Variants in GRID2 observed in about 807,000 individuals in gnomAD.
GRID2 encodes glutamate receptor ionotropic, delta-2.
Under a neutral mutation model 114.8 loss-of-function variants are expected in GRID2, and 33 were observed. That is an observed-to-expected ratio of 0.29 (90% CI 0.22 to 0.38). The LOEUF (loss-of-function observed/expected upper bound fraction) is 0.38. Among genes scored for constraint, GRID2 ranks in the 10% least tolerant of loss-of-function variants. GRID2 has a pLI of 1.00. For missense variants in GRID2, 1,184 were observed against 1,257.7 expected, an observed-to-expected ratio of 0.94 and a Z score of 0.89; for synonymous variants, 505 against 449.9, an observed-to-expected ratio of 1.12 and a Z score of -1.55.
At chr4:92,970,501 A>G (rs1421735636) in intron 2 of GRID2, among the ~76,000 whole-genome samples, 1 of 152,020 alleles carries the variant, frequency 6.6e-6, no homozygotes, top group East Asian at 1.9e-4. Flanking sequence ...CTATAAAGAC[A>G]AAATAGCTAA....
chr4:93,445,907 TAGAAAATTAG>T lies in GRID2; in HGVS notation c.1546-9752_1546-9743del, dbSNP rs1477039605. The stretch of plus-strand genomic sequence containing the variant: ...GATCTCATATGATATGACAAATAAA[TAGAAAATTAG>T]AGGAAATTTTACAACAGTACTCTAA... On this transcript the variant is annotated intron_variant, in intron 10 of 15. Transcript: ENST00000282020. 2.0e-5 allele frequency among the ~76,000 whole-genome samples: 3 copies of T among 152,096 alleles called. No homozygotes were observed. The East Asian group carries it at 5.8e-4, about 30-fold the overall frequency.
At chr4:92,977,230 G>C (rs1000658678) in intron 2 of GRID2, among the ~76,000 whole-genome samples, 3 of 152,104 alleles carry the variant, frequency 2.0e-5, no homozygotes, top group Admixed American at 1.3e-4. Flanking sequence ...GAGAAGTTGT[G>C]GTGATGCAGA....
At chr4:93,097,351 GA>G (rs1006250097) in intron 3 of GRID2, among the ~76,000 whole-genome samples, 58 of 144,676 alleles carry the variant, frequency 4.0e-4, no homozygotes, top group African/African-American at 1.3e-3. Context: ...AAGGAAAAAG[GA>G]AAAAAAAACA....
At chr4:93,810,451 C>T (rs977927289), downstream of GRID2, among the ~76,000 whole-genome samples, 2 of 152,122 alleles carry the variant, frequency 1.3e-5, no homozygotes, top group Non-Finnish European at 2.9e-5. Flanking sequence ...AAACAAATTA[C>T]TTTAATTAAT....
At chr4:93,185,838 C>A (rs1271103883) in intron 4 of GRID2, among the ~76,000 whole-genome samples, 1 of 152,086 alleles carries the variant, frequency 6.6e-6, no homozygotes, top group African/African-American at 2.4e-5. Context: ...TGTTGGTTTG[C>A]TGCACCCATT....
intron 14 of GRID2, among the ~76,000 whole-genome samples, chr4:93,707,309 T>A (rs984014267): frequency 2.0e-5 from 3 of 152,128 alleles, no homozygotes; most frequent in African/African-American, 7.2e-5. Context: ...TTGATAAAAT[T>A]CAGCTGTGAA....
intron 2 of GRID2, among the ~76,000 whole-genome samples, chr4:93,046,208 C>G (rs1726117779): frequency 6.6e-6 from 1 of 152,040 alleles, no homozygotes; most frequent in Non-Finnish European, 1.5e-5. Flanking sequence ...CAGTTTCTCA[C>G]CTGCTCCTCT....
At chr4:93,769,944 C>G (rs1178296542) in intron 15 of GRID2, among the ~76,000 whole-genome samples, 1 of 152,180 alleles carries the variant, frequency 6.6e-6, no homozygotes, top group Non-Finnish European at 1.5e-5. Context: ...CCTATAGAAG[C>G]TCTTCGATGG....
chr4:93,624,502 G>C (rs747107208), intron 13 of GRID2, among the ~76,000 whole-genome samples: 5 of 151,726 alleles, frequency 3.3e-5, no homozygotes, highest in Non-Finnish European at 5.9e-5. Flanking sequence ...TTTTCTTCCT[G>C]GTTTACCAAT....
intron 1 of GRID2, among the ~76,000 whole-genome samples, chr4:92,313,193 T>C (rs1725798560): frequency 6.6e-6 from 1 of 151,536 alleles, no homozygotes. Flanking sequence ...TTGGATGAGA[T>C]TAGAGACTAT....
intron 14 of GRID2, among the ~76,000 whole-genome samples, chr4:93,708,707 A>G (rs892034954): frequency 1.4e-4 from 22 of 151,846 alleles, no homozygotes; most frequent in African/African-American, 5.1e-4. Flanking sequence ...CTGCCAATTT[A>G]TTATCTGTTT....
At chr4:92,755,208 A>ATT (rs1456533762) in intron 2 of GRID2, among the ~76,000 whole-genome samples, 2 of 152,136 alleles carry the variant, frequency 1.3e-5, no homozygotes, top group African/African-American at 4.8e-5. Context: ...ATGAAAATGA[A>ATT]TGTTAAACTT....
intron 1 of GRID2, among the ~76,000 whole-genome samples, chr4:93,780,543 G>C (rs1434637430): frequency 1.3e-5 from 2 of 152,206 alleles, no homozygotes; most frequent in Non-Finnish European, 2.9e-5. Context: ...GTTCCAGCAG[G>C]TTGATCACAA....
chr4:92,384,549 T>A (rs1233538474), intron 1 of GRID2, among the ~76,000 whole-genome samples: 16 of 40,570 alleles, frequency 3.9e-4, no homozygotes, highest in South Asian at 6.9e-4. Flanking sequence ...TAATATATAA[T>A]ATATATTATA....
chr4:92,535,343 G>A (rs967140043), intron 1 of GRID2, among the ~76,000 whole-genome samples: 2 of 152,138 alleles, frequency 1.3e-5, no homozygotes, highest in Non-Finnish European at 2.9e-5. Flanking sequence ...ATTTCTCTTT[G>A]TACTACAATA....
In GRID2 at chr4:93,007,976, A is replaced by G. The variant is rs1395201610; in HGVS notation, c.245-77019A>G. On this transcript the variant is annotated intron_variant, in intron 2 of 15. Coordinates refer to ENST00000282020, the MANE Select transcript of GRID2 (RefSeq NM_001510.4). ...GAACTGCCCAGGAAGTGGAGGTTGC[A>G]GTGAGCCAAGATCGTGCCATTACAC... 3.3e-5 allele frequency among the ~76,000 whole-genome samples: 5 copies of G among 149,632 alleles called. No individual in the cohort carries two copies. The East Asian group carries it at 6.0e-4, about 18-fold the overall frequency.
intron 2 of GRID2, among the ~76,000 whole-genome samples, chr4:92,908,994 A>C (rs1748169934): frequency 6.6e-6 from 1 of 152,196 alleles, no homozygotes; most frequent in Non-Finnish European, 1.5e-5. Context: ...TTATAAATTC[A>C]CATTAATTGA....
chr4:92,431,643 A>G (rs892133874), intron 1 of GRID2, among the ~76,000 whole-genome samples: 9 of 151,894 alleles, frequency 5.9e-5, no homozygotes, highest in Admixed American at 3.3e-4. Context: ...TTCCAGAAAA[A>G]AAGACTTTCC....
intron 13 of GRID2, among the ~76,000 whole-genome samples, chr4:93,586,520 A>G (rs146255138): frequency 5.9e-5 from 9 of 152,248 alleles, no homozygotes; most frequent in Admixed American, 1.3e-4. Flanking sequence ...TGTGCCTATT[A>G]TATGTGAAAC....
Sources: gnomAD v4.1 joint callset for allele counts (sites outside exome capture counted in the v4.1 genomes callset) on GRCh38, gnomAD v4.1.1 for gene constraint, MANE v1.5 for transcripts, NCBI Gene and HGNC (gene_info 2026-07-23, HGNC 2026-07-21) for gene names.